The following HCN1 variants were observed in gnomAD, a reference collection of about 807,000 sequenced individuals.
The protein encoded by HCN1 is hyperpolarization activated cyclic nucleotide gated potassium channel 1, also known as potassium/sodium hyperpolarization-activated cyclic nucleotide-gated channel 1.
In HCN1, 13 loss-of-function variants were observed where a neutral mutation model predicts 78.9. The ratio of observed to expected loss-of-function variants is 0.16; its 90% CI spans 0.11 to 0.26. The LOEUF (loss-of-function observed/expected upper bound fraction) is 0.26. Among genes scored for constraint, HCN1 ranks in the 10% least tolerant of loss-of-function variants. The probability of loss-of-function intolerance (pLI) is 1.00; values close to 1 mark genes in which losing one functional copy is unlikely to be tolerated. For synonymous variants in HCN1, 552 were observed against 455.5 expected (o/e 1.21, Z -2.70); for missense variants, 810 against 1,154.3 (o/e 0.70, Z 4.32).
chr5:45,560,646 C>G (rs1743579043), intron 2 of HCN1, among the ~76,000 whole-genome samples: 1 of 151,866 alleles, frequency 6.6e-6, no homozygotes, highest in South Asian at 2.1e-4. Context: ...TTTTCAAAAA[C>G]ACAATTATAT....
At chr5:45,382,564 A>G (rs1747831544) in intron 4 of HCN1, among the ~76,000 whole-genome samples, 1 of 152,034 alleles carries the variant, frequency 6.6e-6, no homozygotes, top group African/African-American at 2.4e-5. Flanking sequence ...CTTACTTATT[A>G]ATTGATTTTT....
intron 1 of HCN1, among the ~76,000 whole-genome samples, chr5:45,675,129 A>G (rs74790525): frequency 0.014 from 2,110 of 151,760 alleles, 34 homozygotes; most frequent in Non-Finnish European, 0.024. Flanking sequence ...ATTTTATCAC[A>G]TATATCCTGC....
intron 3 of HCN1, among the ~76,000 whole-genome samples, chr5:45,455,879 A>G (rs550993775): frequency 3.2e-4 from 49 of 151,916 alleles, no homozygotes; most frequent in Non-Finnish European, 6.6e-4. Flanking sequence ...TAGCACAGAC[A>G]GGTACCCATC....
chr5:45,608,355 GTAT>G (rs1744764960), intron 2 of HCN1, among the ~76,000 whole-genome samples: 1 of 139,312 alleles, frequency 7.2e-6, no homozygotes, highest in African/African-American at 2.7e-5. Flanking sequence ...TAGGATGGGT[GTAT>G]GTGTGTGTGT....
At chr5:45,524,243 A>G (rs1404002634) in intron 2 of HCN1, among the ~76,000 whole-genome samples, 1 of 152,080 alleles carries the variant, frequency 6.6e-6, no homozygotes, top group Non-Finnish European at 1.5e-5. Context: ...TACCAGTACT[A>G]TGCTGTTTTG....
At chr5:45,642,234 C>T (rs1351865293) in intron 2 of HCN1, 1 of 152,058 alleles carries the variant, frequency 6.6e-6, no homozygotes, top group East Asian at 1.9e-4. Flanking sequence ...ATAATTGGTT[C>T]ATGAAAACAA....
intron 2 of HCN1, among the ~76,000 whole-genome samples, chr5:45,551,860 G>C (rs1296202626): frequency 6.6e-6 from 1 of 151,802 alleles, no homozygotes; most frequent in Non-Finnish European, 1.5e-5. Context: ...AAAACTGTCT[G>C]GCTATTTTTA....
At chr5:45,339,108 T>C (rs1746522495) in intron 5 of HCN1, among the ~76,000 whole-genome samples, 1 of 152,168 alleles carries the variant, frequency 6.6e-6, no homozygotes, top group African/African-American at 2.4e-5. Context: ...TATTAAGCAG[T>C]CATGATTCTT....
intron 1 of HCN1, among the ~76,000 whole-genome samples, chr5:45,667,993 G>A (rs1746083216): frequency 6.6e-6 from 1 of 151,904 alleles, no homozygotes; most frequent in East Asian, 1.9e-4. Context: ...TCACTTGACT[G>A]GTTAATGGCA....
At chr5:45,275,721 C>G (rs561195982) in intron 6 of HCN1, among the ~76,000 whole-genome samples, 2 of 152,102 alleles carry the variant, frequency 1.3e-5, no homozygotes, top group African/African-American at 2.4e-5. Flanking sequence ...GAAACAATCT[C>G]AGGTAGCCGC....
chr5:45,414,678 A>T (rs968368997), intron 3 of HCN1, among the ~76,000 whole-genome samples: 9 of 152,040 alleles, frequency 5.9e-5, no homozygotes, highest in Non-Finnish European at 1.2e-4. Context: ...CAGCCTGGAG[A>T]GTGCATACTT....
intron 2 of HCN1, among the ~76,000 whole-genome samples, chr5:45,470,729 A>G (rs1281197662): frequency 6.6e-6 from 1 of 151,970 alleles, no homozygotes; most frequent in Non-Finnish European, 1.5e-5. Context: ...TATCACTGAA[A>G]CCACCTATTA....
intron 1 of HCN1, among the ~76,000 whole-genome samples, chr5:45,666,189 A>G (rs1474450094): frequency 6.6e-6 from 1 of 152,046 alleles, no homozygotes; most frequent in Admixed American, 6.6e-5. Context: ...TAGAATATCT[A>G]TTTAGGTGAA....
At chr5:45,267,551 C>T (rs929668722) in intron 6 of HCN1, among the ~76,000 whole-genome samples, 13 of 151,416 alleles carry the variant, frequency 8.6e-5, no homozygotes, top group Non-Finnish European at 4.4e-5. Context: ...GGGTGAATCA[C>T]GAGGTCAAGA....
intron 4 of HCN1, among the ~76,000 whole-genome samples, chr5:45,374,037 T>G (rs1335957825): frequency 1.1e-5 from 1 of 87,836 alleles, no homozygotes; most frequent in Non-Finnish European, 2.2e-5. Context: ...ATTATATACA[T>G]AATATATATT....
intron 1 of HCN1, among the ~76,000 whole-genome samples, chr5:45,663,377 C>T (rs1343682020): frequency 8.0e-5 from 11 of 137,770 alleles, no homozygotes; most frequent in Non-Finnish European, 1.7e-4. Flanking sequence ...TAGACATTAC[C>T]ATTCAGGACA....
At chr5:45,667,388 T>C (rs963331825) in intron 1 of HCN1, among the ~76,000 whole-genome samples, 1 of 152,000 alleles carries the variant, frequency 6.6e-6, no homozygotes. Context: ...TATTCATTCT[T>C]TGAGTAAAAA....
chr5:45,494,508 A>T (rs202097320), intron 2 of HCN1, among the ~76,000 whole-genome samples: 6,792 of 149,320 alleles, frequency 0.045, 204 homozygotes, highest in East Asian at 0.12. Flanking sequence ...TAGCCCTTTG[A>T]CAGATGAGTA....
At chr5:45,573,430 CA>C (rs1178047207) in intron 2 of HCN1, among the ~76,000 whole-genome samples, 2 of 151,918 alleles carry the variant, frequency 1.3e-5, no homozygotes, top group Non-Finnish European at 2.9e-5. Context: ...GAATTCACTT[CA>C]TTTATTTATT....
Sources: gnomAD v4.1 joint callset for allele counts (sites outside exome capture counted in the v4.1 genomes callset) on GRCh38, gnomAD v4.1.1 for gene constraint, MANE v1.5 for transcripts, NCBI Gene and HGNC (gene_info 2026-07-23, HGNC 2026-07-21) for gene names.